Variants in NAB1 observed in about 807,000 individuals in gnomAD.
NAB1 encodes the protein NGFI-A-binding protein 1.
Under a neutral mutation model 49.9 loss-of-function variants are expected in NAB1, and 25 were observed. The ratio of observed to expected loss-of-function variants is 0.50; its 90% CI spans 0.37 to 0.70. The LOEUF (loss-of-function observed/expected upper bound fraction) is 0.70, where lower values mean the gene tolerates loss of function less well. NAB1 is among the 30% of genes least tolerant of loss of function. The pLI is 0.00. For missense variants in NAB1, 489 were observed against 575.9 expected (o/e 0.85, Z 1.54); for synonymous variants, 198 against 215.6 (o/e 0.92, Z 0.71).
Position 190,680,228 on chromosome 2 carries a change from A to G in NAB1, c.1006-3510A>G, listed in dbSNP as rs893260324. On this transcript the variant is annotated intron_variant, in intron 6 of 9. Coordinates refer to ENST00000337386, the MANE Select transcript of NAB1 (RefSeq NM_005966.4). The surrounding 1 kb of genome is among the most constrained non-coding windows in gnomAD (Gnocchi z 5.2). ...ATCAGTCTCTTCCCTGAGACTTTCA[A>G]TGGCTTCTCTTTGTATTTAAGATAA... Among the ~76,000 whole-genome samples the G allele has an allele frequency of 1.3e-5, 2 of 152,180 alleles. No individual in the cohort carries two copies. The highest frequency in any genetic ancestry group is 2.9e-5 in the Non-Finnish European group (2 of 68,034).
intron 4 of NAB1, among the ~76,000 whole-genome samples, chr2:190,665,944 C>T (rs531268706): frequency 3.6e-4 from 55 of 152,174 alleles, no homozygotes; most frequent in Admixed American, 2.6e-3. Flanking sequence ...TGGGCTTTGC[C>T]TCTTTTTTCC....
Position 190,674,213 on chromosome 2 carries a change from A to G in NAB1, c.1005+1061A>G, listed in dbSNP as rs773701692. ...TTTTTTAAAGGATCTAAGACCCCAC[A>G]TGATCTGACTGCAGCTTGCATCTCC... On this transcript the variant is annotated intron_variant, in intron 6 of 9. Transcript: ENST00000337386. This position sits in a 1 kb window ranked among gnomAD's most constrained non-coding sequence, Gnocchi z 5.7. Among the ~76,000 whole-genome samples the G allele has an allele frequency of 5.3e-5, 8 of 152,170 alleles. No individual in the cohort carries two copies. Among genetic ancestry groups the G allele is most frequent in the Non-Finnish European group, 1.2e-4 (8 of 68,038 alleles).
In NAB1 at chr2:190,649,870, T is replaced by C. The variant is rs1464683512; in HGVS notation, c.-309T>C. On this transcript the variant is annotated 5_prime_UTR_variant, in exon 2 of 10. Transcript: ENST00000337386. This position sits in a 1 kb window ranked among gnomAD's most constrained non-coding sequence, Gnocchi z 6.1. ...GCGGAAGGAGAGTTTTACATGGAAG[T>C]GGCTTACAGAAACTTGGCGCTGAGG... The C allele has an allele frequency of 6.6e-6, 1 of 152,242 alleles. No individual in the cohort carries two copies. Among genetic ancestry groups the C allele is most frequent in the African/African-American group, 2.4e-5 (1 of 41,450 alleles). The allele number at this position is 152,242 out of a possible 1,614,324, so 9.4% of individuals were successfully genotyped here. A position where few individuals can be genotyped will look rare whatever the true frequency, so the allele number is the denominator to read the frequency against.
Position 190,682,032 on chromosome 2 carries a change from TA to T in NAB1, c.1006-1702del, listed in dbSNP as rs764376587. On this transcript the variant is annotated intron_variant, in intron 6 of 9. Transcript: ENST00000337386. This position sits in a 1 kb window ranked among gnomAD's most constrained non-coding sequence, Gnocchi z 4.1. ...CTTTAGGAGGTTTCACTAAAGTTAC[TA>T]AAACCATGCTGTCATGATATTTTGT... is the stretch of plus-strand genomic sequence containing the variant. Among the ~76,000 whole-genome samples, 5 of 152,142 alleles carry T rather than the reference TA, an allele frequency of 3.3e-5. No homozygotes were observed. The highest frequency in any genetic ancestry group is 5.9e-5 in the Non-Finnish European group (4 of 68,020).
rs987630340 is a variant in NAB1, at chr2:190,666,623, C to T, written c.820-3703C>T. On this transcript the variant is annotated intron_variant, in intron 4 of 9. Transcript: ENST00000337386. This position sits in a 1 kb window ranked among gnomAD's most constrained non-coding sequence, Gnocchi z 5.6. The stretch of plus-strand genomic sequence containing the variant: ...ACTTGGGAGGCTGAGACAGGAGAAT[C>T]GCTTGAACCCGGGGCGCTGAGGTTG... Among the ~76,000 whole-genome samples the T allele has an allele frequency of 4.6e-5, 7 of 151,970 alleles. No individual in the cohort carries two copies. Among genetic ancestry groups the T allele is most frequent in the Non-Finnish European group, 8.8e-5 (6 of 68,004 alleles).
Position 190,666,274 on chromosome 2 carries a change from G to C in NAB1, c.820-4052G>C, listed in dbSNP as rs1694511678. On this transcript the variant is annotated intron_variant, in intron 4 of 9. Coordinates refer to ENST00000337386, the MANE Select transcript of NAB1 (RefSeq NM_005966.4). The surrounding 1 kb of genome is among the most constrained non-coding windows in gnomAD (Gnocchi z 5.6). The stretch of plus-strand genomic sequence containing the variant: ...TGTTTTTGTGCCAACAGTACTTAAA[G>C]TCACAATCATTTAATTGTTGGAGAT... Among the ~76,000 whole-genome samples, 1 of 152,154 alleles carries C rather than the reference G, an allele frequency of 6.6e-6. No homozygotes were observed. Among genetic ancestry groups the C allele is most frequent in the Admixed American group, 6.5e-5 (1 of 15,278 alleles).
chr2:190,649,175 G>A lies in NAB1; in HGVS notation c.-519G>A, dbSNP rs1200052459. On this transcript the variant is annotated 5_prime_UTR_variant, in exon 1 of 10. Coordinates refer to ENST00000337386, the MANE Select transcript of NAB1 (RefSeq NM_005966.4). This position sits in a 1 kb window ranked among gnomAD's most constrained non-coding sequence, Gnocchi z 6.1. Reference sequence around the variant, plus strand: ...CGGGGCGGGTGGGCGGGAAGAAGCGGCGGGCCCGAGGTGGGGGGGAGCAGA... The same window carrying A: ...CGGGGCGGGTGGGCGGGAAGAAGCGACGGGCCCGAGGTGGGGGGGAGCAGA... The A allele has an allele frequency of 6.7e-6, 1 of 149,754 alleles. No individual in the cohort carries two copies. The allele number at this position is 149,754 out of a possible 1,614,324, so 9.3% of individuals were successfully genotyped here.
intron 4 of NAB1, among the ~76,000 whole-genome samples, chr2:190,664,404 TGA>T (rs1694383381): frequency 6.6e-6 from 1 of 151,602 alleles, no homozygotes; most frequent in Non-Finnish European, 1.5e-5. Context: ...AATGCAGTGG[TGA>T]GATCACAGCT....
Position 190,677,357 on chromosome 2 carries a change from C to G in NAB1, c.1005+4205C>G, listed in dbSNP as rs956944573. The G allele has an allele frequency of 1.3e-5, 2 of 152,080 alleles. No homozygotes were observed. The highest frequency in any genetic ancestry group is 4.8e-5 in the African/African-American group (2 of 41,400). The allele number at this position is 152,080 out of a possible 1,614,324, so 9.4% of individuals were successfully genotyped here. On this transcript the variant is annotated intron_variant, in intron 6 of 9. Transcript: ENST00000337386. The surrounding 1 kb of genome is among the most constrained non-coding windows in gnomAD (Gnocchi z 5.6). ...ATGAGATGGACATGGAGAAAAAGAT[C>G]GCCTGCTAGCTTAGGTGTGCCTTAA...
At chr2:190,658,290 A>G (rs886341059) in intron 3 of NAB1, among the ~76,000 whole-genome samples, 3 of 152,146 alleles carry the variant, frequency 2.0e-5, no homozygotes, top group Admixed American at 1.3e-4. Flanking sequence ...GGGCCATTCT[A>G]CATAAGCCTT....
Position 190,659,130 on chromosome 2 carries a change from T to C in NAB1, c.-19-28T>C. 6.9e-7 allele frequency: 1 copy of C among 1,439,700 alleles called. No individual in the cohort carries two copies. Among genetic ancestry groups the C allele is most frequent in the South Asian group, 1.3e-5 (1 of 76,174 alleles). The allele number at this position is 1,439,700 out of a possible 1,614,324, so 89.2% of individuals were successfully genotyped here. On this transcript the variant is annotated intron_variant, in intron 3 of 9. Transcript: ENST00000337386. This position sits in a 1 kb window ranked among gnomAD's most constrained non-coding sequence, Gnocchi z 6.2. ...AGGAGTTTGAAGCAAGTATGATGAG[T>C]TTTTACTTTTTTTTTTTTTTTTGGC...
At position 190,667,180 on chromosome 2, in the gene NAB1, A is replaced by G. The variant is rs1353774368; in HGVS notation, c.820-3146A>G. ...TTGTGGGAGCCTGAATTCAGTGACA[A>G]TGAATGCATTATGTTTATTTTTCTT... On this transcript the variant is annotated intron_variant, in intron 4 of 9. Transcript: ENST00000337386. The surrounding 1 kb of genome is among the most constrained non-coding windows in gnomAD (Gnocchi z 4.4). 5.9e-5 allele frequency among the ~76,000 whole-genome samples: 9 copies of G among 152,302 alleles called. No individual in the cohort carries two copies. In the East Asian group the frequency reaches 1.7e-3, roughly 29 times the overall value.
intron 5 of NAB1, among the ~76,000 whole-genome samples, chr2:190,672,480 T>A (rs1694862920): frequency 6.6e-6 from 1 of 152,200 alleles, no homozygotes; most frequent in South Asian, 2.1e-4. Context: ...TGGGATAGGT[T>A]TTCCCAGCAG....
rs1269123343 is a variant in NAB1, at chr2:190,652,961, G to A, written c.-197+2979G>A. ...TGCAGCCCAGGAGGGCTTTGAATAC[G>A]GCCCAACACAAATGCATAAACTTTC... On this transcript the variant is annotated intron_variant, in intron 2 of 9. Transcript: ENST00000337386. The surrounding 1 kb of genome is among the most constrained non-coding windows in gnomAD (Gnocchi z 4.2). Among the ~76,000 whole-genome samples the A allele has an allele frequency of 4.6e-5, 7 of 152,178 alleles. No individual in the cohort carries two copies. The highest frequency in any genetic ancestry group is 4.1e-4 in the South Asian group (2 of 4,826).
intron 4 of NAB1, among the ~76,000 whole-genome samples, chr2:190,668,283 G>T (rs573180177): frequency 6.6e-6 from 1 of 152,192 alleles, no homozygotes; most frequent in Non-Finnish European, 1.5e-5. Flanking sequence ...GGATATGTGT[G>T]CAAAGGTACA....
chr2:190,690,163 G>T (rs1191892979), intron 9 of NAB1, 82 bp from the exon 10 acceptor site: 13 of 966,326 alleles, frequency 1.3e-5, no homozygotes, highest in Non-Finnish European at 2.2e-5. Context: ...TATGGAGTTT[G>T]GGGGTTTGTT....
At chr2:190,658,187 T>C (rs1187492316) in intron 3 of NAB1, among the ~76,000 whole-genome samples, 1 of 152,238 alleles carries the variant, frequency 6.6e-6, no homozygotes, top group Non-Finnish European at 1.5e-5. Context: ...GGCTTTCTGC[T>C]GCTGCTTTGG....
In NAB1 at chr2:190,670,386, A is replaced by C; in HGVS notation, c.880A>C (p.Arg294=). 6.2e-7 allele frequency: 1 copy of C among 1,614,060 alleles called. No individual in the cohort carries two copies. The highest frequency in any genetic ancestry group is 8.5e-7 in the Non-Finnish European group (1 of 1,179,944). The change falls in exon 5 of 10, where the codon AGA becomes CGA. Residue 294 remains arginine, a synonymous_variant. Coordinates refer to ENST00000337386, the MANE Select transcript of NAB1 (RefSeq NM_005966.4). The surrounding 1 kb of genome is among the most constrained non-coding windows in gnomAD (Gnocchi z 5.3). ...GAAGGATAATGCCCTGCTGACAAGA[A>C]GAGATGAGCTTTTTGCCTTGGCTCG... The part of the protein sequence containing the change: ...CVKDNALLTR[R]DELFALARQI...
Position 190,675,704 on chromosome 2 carries a change from CT to C in NAB1, c.1005+2556del, listed in dbSNP as rs201922856. On this transcript the variant is annotated intron_variant, in intron 6 of 9. Transcript: ENST00000337386. This position sits in a 1 kb window ranked among gnomAD's most constrained non-coding sequence, Gnocchi z 5.2. ...TTTAAATGCTTTTATAGACACTAGA[CT>C]TTTGATTTTGTTTCCCAGAAATAAG... Among the ~76,000 whole-genome samples, 632 of 152,254 alleles carry C rather than the reference CT, an allele frequency of 4.2e-3. 11 individuals are homozygous for C. In the East Asian group the frequency reaches 0.046, roughly 11 times the overall value.
Sources: allele counts gnomAD v4.1 joint callset (sites outside exome capture counted in the v4.1 genomes callset), GRCh38; gene constraint gnomAD v4.1.1; non-coding constraint Gnocchi (gnomAD v3.1); transcripts MANE v1.5; gene names NCBI Gene and HGNC (gene_info 2026-07-23, HGNC 2026-07-21).